The following LCLAT1 variants were observed in gnomAD, a reference collection of about 807,000 sequenced individuals.
The protein encoded by LCLAT1 is lysocardiolipin acyltransferase 1, also known as 1-AGP acyltransferase 8.
LCLAT1 carries 11 observed loss-of-function variants against 30.7 expected under a neutral mutation model. The observed-to-expected ratio is 0.36, with a 90% CI of 0.23 to 0.59. The LOEUF (loss-of-function observed/expected upper bound fraction) is 0.59, where lower values mean the gene tolerates loss of function less well. Among genes scored for constraint, LCLAT1 ranks in the 20% least tolerant of loss-of-function variants. The probability of loss-of-function intolerance (pLI) is 0.77; values close to 1 mark genes in which losing one functional copy is unlikely to be tolerated. For missense variants in LCLAT1, 402 were observed against 458.6 expected (o/e 0.88, Z 1.13); for synonymous variants, 155 against 151.3 (o/e 1.02, Z -0.18).
chr2:30,637,379 G>A (rs982516938), intron 5 of LCLAT1, among the ~76,000 whole-genome samples: 15 of 151,920 alleles, frequency 9.9e-5, no homozygotes, highest in African/African-American at 3.1e-4. Flanking sequence ...ACATCTTAAG[G>A]AATGTATCAT....
At chr2:30,584,867 G>A (rs1405073622) in intron 5 of LCLAT1, among the ~76,000 whole-genome samples, 2 of 151,204 alleles carry the variant, frequency 1.3e-5, no homozygotes, top group African/African-American at 4.9e-5. Context: ...CCTTTGTGCC[G>A]GTGATTTGGG....
At chr2:30,619,078 G>T (rs1163359033) in intron 5 of LCLAT1, among the ~76,000 whole-genome samples, 1 of 152,162 alleles carries the variant, frequency 6.6e-6, no homozygotes, top group African/African-American at 2.4e-5. Flanking sequence ...TACACCTAAT[G>T]ACTTGGGTAA....
intron 2 of LCLAT1, among the ~76,000 whole-genome samples, chr2:30,529,856 G>A (rs1685904965): frequency 6.6e-6 from 1 of 152,202 alleles, no homozygotes; most frequent in African/African-American, 2.4e-5. Context: ...TGGAGAACCA[G>A]ACCTAATCTG....
intron 3 of LCLAT1, among the ~76,000 whole-genome samples, chr2:30,535,980 C>A (rs1686222246): frequency 1.3e-5 from 2 of 151,852 alleles, no homozygotes; most frequent in African/African-American, 4.8e-5. Context: ...AAAAAAGAAT[C>A]AAATCTCAAA....
At chr2:30,606,952 G>T (rs1425674761) in intron 5 of LCLAT1, 1 of 152,058 alleles carries the variant, frequency 6.6e-6, no homozygotes, top group Non-Finnish European at 1.5e-5. Flanking sequence ...CTCAAAAGAA[G>T]ACATTTATAT....
chr2:30,502,163 T>G (rs1684433230), intron 1 of LCLAT1, among the ~76,000 whole-genome samples: 1 of 152,200 alleles, frequency 6.6e-6, no homozygotes, highest in African/African-American at 2.4e-5. Context: ...TCTAGTGCTT[T>G]TTTTGTTCAG....
At chr2:30,515,828 TTAAA>T (rs1444089051) in intron 1 of LCLAT1, among the ~76,000 whole-genome samples, 3 of 152,232 alleles carry the variant, frequency 2.0e-5, no homozygotes, top group African/African-American at 7.2e-5. Flanking sequence ...TTTTTAAAGA[TTAAA>T]TATTTAATTT....
intron 1 of LCLAT1, among the ~76,000 whole-genome samples, chr2:30,452,385 T>C (rs950447909): frequency 2.1e-5 from 3 of 142,004 alleles, no homozygotes; most frequent in African/African-American, 8.7e-5. Context: ...AAAGTATAAT[T>C]TTTTTTTTTT....
chr2:30,609,309 C>T (rs1010074304), intron 5 of LCLAT1, among the ~76,000 whole-genome samples: 2 of 151,612 alleles, frequency 1.3e-5, no homozygotes, highest in Admixed American at 6.6e-5. Flanking sequence ...TTTTAAAAAC[C>T]TTTCTTGTTA....
chr2:30,600,051 C>T (rs946032726), intron 5 of LCLAT1, among the ~76,000 whole-genome samples: 5 of 152,154 alleles, frequency 3.3e-5, no homozygotes, highest in East Asian at 1.9e-4. Flanking sequence ...TGGTTGGTAA[C>T]GGTTCTTCCC....
Position 30,490,257 on chromosome 2 carries a change from C to T in LCLAT1, c.-4-35330C>T, listed in dbSNP as rs533511685. On this transcript the variant is annotated intron_variant, in intron 1 of 5. Coordinates refer to ENST00000379509, the MANE Select transcript of LCLAT1 (RefSeq NM_001002257.3). Reference sequence around the variant, plus strand: ...TCACTCTGTTGCCTAGGCTGGAGTGCAGTGGCACAATCTCAGCTCACTGCA... The same window carrying T: ...TCACTCTGTTGCCTAGGCTGGAGTGTAGTGGCACAATCTCAGCTCACTGCA... 5.6e-5 allele frequency among the ~76,000 whole-genome samples: 8 copies of T among 143,856 alleles called. 1 individual carries two copies. In the East Asian group the frequency reaches 1.7e-3, roughly 30 times the overall value. 94.4% of individuals were successfully genotyped at this position (143,856 alleles called of 152,430 possible).
At chr2:30,464,885 T>C (rs1682343549) in intron 1 of LCLAT1, among the ~76,000 whole-genome samples, 1 of 152,150 alleles carries the variant, frequency 6.6e-6, no homozygotes, top group African/African-American at 2.4e-5. Context: ...TTATTTACTT[T>C]TTGTTTTATT....
At chr2:30,624,881 A>G (rs1247894910) in intron 5 of LCLAT1, among the ~76,000 whole-genome samples, 2 of 152,198 alleles carry the variant, frequency 1.3e-5, no homozygotes, top group East Asian at 3.8e-4. Context: ...AAGTCCCAAT[A>G]AATTCGAGAA....
chr2:30,535,161 A>C (rs1301113922), intron 3 of LCLAT1, among the ~76,000 whole-genome samples: 3 of 152,160 alleles, frequency 2.0e-5, no homozygotes, highest in African/African-American at 7.2e-5. Context: ...TCTTCACCCT[A>C]ATTTAAAAAA....
chr2:30,499,506 A>G (rs1182945091), intron 1 of LCLAT1, among the ~76,000 whole-genome samples: 2 of 152,116 alleles, frequency 1.3e-5, no homozygotes, highest in African/African-American at 4.8e-5. Flanking sequence ...TATTTGTTTC[A>G]TATGAGACTT....
At chr2:30,505,708 G>A (rs1338035741) in intron 1 of LCLAT1, among the ~76,000 whole-genome samples, 4 of 152,086 alleles carry the variant, frequency 2.6e-5, no homozygotes, top group African/African-American at 2.4e-5. Context: ...CACCTCCCAA[G>A]GATAACCATT....
chr2:30,604,454 G>T (rs1300411186), intron 5 of LCLAT1, among the ~76,000 whole-genome samples: 1 of 151,954 alleles, frequency 6.6e-6, no homozygotes, highest in Non-Finnish European at 1.5e-5. Context: ...ACTTAATTCT[G>T]TTGTACTGCA....
intron 1 of LCLAT1, among the ~76,000 whole-genome samples, chr2:30,477,230 A>G (rs1212196339): frequency 6.6e-6 from 1 of 152,022 alleles, no homozygotes; most frequent in Non-Finnish European, 1.5e-5. Flanking sequence ...TTTTGTTTTT[A>G]TCACCTAGAC....
At chr2:30,460,063 C>T (rs1212921914) in intron 1 of LCLAT1, among the ~76,000 whole-genome samples, 4 of 152,068 alleles carry the variant, frequency 2.6e-5, no homozygotes, top group African/African-American at 9.7e-5. Flanking sequence ...GGAGGTTATC[C>T]CTTACACTTT....
Sources: gnomAD v4.1 joint callset for allele counts (sites outside exome capture counted in the v4.1 genomes callset) on GRCh38, gnomAD v4.1.1 for gene constraint, MANE v1.5 for transcripts, NCBI Gene and HGNC (gene_info 2026-07-23, HGNC 2026-07-21) for gene names.